GRXCR1: variants seen among roughly 807,000 people sequenced by gnomAD.
GRXCR1 encodes glutaredoxin domain-containing cysteine-rich protein 1.
In GRXCR1, 27 loss-of-function variants were observed where a neutral mutation model predicts 27.3. The observed-to-expected ratio is 0.99, with a 90% confidence interval of 0.73 to 1.37. GRXCR1 has a LOEUF of 1.37. GRXCR1 is among the 40% of genes most tolerant of loss of function. The probability of loss-of-function intolerance (pLI) is 0.00; values close to 1 mark genes in which losing one functional copy is unlikely to be tolerated. For missense variants in GRXCR1, 379 were observed against 354.4 expected (o/e 1.07, Z -0.56); for synonymous variants, 122 against 131.1 (o/e 0.93, Z 0.47).
intron 3 of GRXCR1, among the ~76,000 whole-genome samples, chr4:43,027,172 T>A (rs2109810748): frequency 6.6e-6 from 1 of 152,328 alleles, no homozygotes; most frequent in African/African-American, 2.4e-5. Flanking sequence ...AATAACTAAC[T>A]GTATTGAGTG....
At chr4:42,917,714 C>T (rs1380890114) in intron 1 of GRXCR1, among the ~76,000 whole-genome samples, 1 of 151,990 alleles carries the variant, frequency 6.6e-6, no homozygotes, top group African/African-American at 2.4e-5. Flanking sequence ...AGAAAGGCTA[C>T]CTTAGTATTT....
rs145779974 is a variant in GRXCR1, at chr4:42,904,082, C to T, written c.384+10432C>T. 2.1e-3 allele frequency among the ~76,000 whole-genome samples: 327 copies of T among 152,258 alleles called. 2 individuals are homozygous for T. Among genetic ancestry groups the T allele is most frequent in the African/African-American group, 7.5e-3 (311 of 41,566 alleles). On this transcript the variant is annotated intron_variant, in intron 1 of 3. Transcript: ENST00000399770. ...AGGGAGTTCTGTACTAGACATCATT[C>T]AGGATTCTTTCCCCACACATTGTGA...
At chr4:42,985,998 G>A (rs1376472065) in intron 2 of GRXCR1, among the ~76,000 whole-genome samples, 3 of 152,120 alleles carry the variant, frequency 2.0e-5, no homozygotes, top group Admixed American at 6.6e-5. Context: ...GATTACAACT[G>A]AGCAAACATC....
At chr4:43,026,231 G>A (rs563396259) in intron 3 of GRXCR1, among the ~76,000 whole-genome samples, 5 of 152,264 alleles carry the variant, frequency 3.3e-5, no homozygotes, top group Non-Finnish European at 5.9e-5. Context: ...AGACTTCAGA[G>A]CAACACTAAT....
chr4:42,930,380 A>T (rs1747275327), intron 1 of GRXCR1, among the ~76,000 whole-genome samples: 1 of 151,994 alleles, frequency 6.6e-6, no homozygotes, highest in Non-Finnish European at 1.5e-5. Flanking sequence ...ATTAGCTTCT[A>T]ACTTCTAAAC....
chr4:42,953,985 T>C (rs990984784), intron 1 of GRXCR1, among the ~76,000 whole-genome samples: 7 of 152,062 alleles, frequency 4.6e-5, no homozygotes, highest in African/African-American at 1.7e-4. Context: ...ATTATCCGGT[T>C]ACTAAGGGGG....
intron 1 of GRXCR1, among the ~76,000 whole-genome samples, chr4:42,955,077 G>T (rs1039728176): frequency 3.9e-5 from 6 of 152,048 alleles, no homozygotes; most frequent in Non-Finnish European, 7.4e-5. Context: ...GCTTCCAGCC[G>T]CATGTGCCTG....
At chr4:43,005,295 A>G (rs1712519382) in intron 2 of GRXCR1, among the ~76,000 whole-genome samples, 5 of 152,194 alleles carry the variant, frequency 3.3e-5, no homozygotes, top group Admixed American at 3.3e-4. Context: ...TTTCTTCACC[A>G]ATTACTGAGT....
chr4:42,961,255 G>A (rs1254238459), intron 1 of GRXCR1, among the ~76,000 whole-genome samples: 7 of 151,868 alleles, frequency 4.6e-5, no homozygotes, highest in East Asian at 1.9e-4. Flanking sequence ...TATCATTCAC[G>A]GGCATTTTGG....
At chr4:42,952,614 A>G (rs955942982) in intron 1 of GRXCR1, among the ~76,000 whole-genome samples, 39 of 152,182 alleles carry the variant, frequency 2.6e-4, no homozygotes, top group African/African-American at 9.4e-4. Flanking sequence ...GATATACCCT[A>G]TAAGATCAAG....
At chr4:42,914,620 G>T (rs1262824817) in intron 1 of GRXCR1, among the ~76,000 whole-genome samples, 1 of 152,126 alleles carries the variant, frequency 6.6e-6, no homozygotes, top group South Asian at 2.1e-4. Context: ...AGACTTTAGG[G>T]GACTGTTGGA....
intron 1 of GRXCR1, among the ~76,000 whole-genome samples, chr4:42,959,668 A>G (rs1470822078): frequency 1.3e-5 from 2 of 151,964 alleles, no homozygotes; most frequent in African/African-American, 4.8e-5. Flanking sequence ...ACAACTTAAA[A>G]ATATATAATA....
intron 1 of GRXCR1, among the ~76,000 whole-genome samples, chr4:42,950,410 C>T (rs929023726): frequency 2.4e-4 from 37 of 152,138 alleles, no homozygotes; most frequent in African/African-American, 8.9e-4. Flanking sequence ...AGATTAGAGG[C>T]TCCTGAATAT....
At chr4:42,965,355 A>T (rs1748213467) in intron 2 of GRXCR1, among the ~76,000 whole-genome samples, 1 of 151,844 alleles carries the variant, frequency 6.6e-6, no homozygotes, top group Admixed American at 6.6e-5. Flanking sequence ...TTTTTTGCTT[A>T]TAAAAGGAAA....
intron 2 of GRXCR1, among the ~76,000 whole-genome samples, chr4:42,984,017 G>A (rs1025091527): frequency 6.6e-6 from 1 of 151,824 alleles, no homozygotes; most frequent in African/African-American, 2.4e-5. Flanking sequence ...TGTACCTTTA[G>A]TAGAGATGGG....
At chr4:43,005,488 T>C (rs1317506848) in intron 2 of GRXCR1, among the ~76,000 whole-genome samples, 1 of 152,232 alleles carries the variant, frequency 6.6e-6, no homozygotes, top group Admixed American at 6.5e-5. Flanking sequence ...GATTAGGTTC[T>C]TTTTCCCAAT....
At chr4:42,949,398 C>T (rs1274716757) in intron 1 of GRXCR1, among the ~76,000 whole-genome samples, 8 of 149,956 alleles carry the variant, frequency 5.3e-5, no homozygotes, top group African/African-American at 2.0e-4. Context: ...TTCATAAATC[C>T]TGTATTAGTC....
chr4:43,001,504 T>G (rs1372852231), intron 2 of GRXCR1, among the ~76,000 whole-genome samples: 1 of 152,140 alleles, frequency 6.6e-6, no homozygotes, highest in African/African-American at 2.4e-5. Flanking sequence ...ATTTCTAAAT[T>G]TATGTGGTGT....
At chr4:42,945,384 G>A (rs192796964) in intron 1 of GRXCR1, among the ~76,000 whole-genome samples, 8 of 152,250 alleles carry the variant, frequency 5.3e-5, no homozygotes, top group Admixed American at 3.3e-4. Flanking sequence ...GATATGGCAC[G>A]AAAGGAGATG....
Sources: gnomAD v4.1 joint callset for allele counts (sites outside exome capture counted in the v4.1 genomes callset) on GRCh38, gnomAD v4.1.1 for gene constraint, MANE v1.5 for transcripts, NCBI Gene and HGNC (gene_info 2026-07-23, HGNC 2026-07-21) for gene names.